QKI: variants seen among roughly 807,000 people sequenced by gnomAD.
The protein encoded by QKI is QKI, KH domain containing RNA binding.
A neutral mutation model predicts 39.0 loss-of-function variants in QKI; 10 were observed. That is an observed-to-expected ratio of 0.26 (90% CI 0.16 to 0.43). The LOEUF is 0.43. Among genes scored for constraint, QKI ranks in the 20% least tolerant of loss-of-function variants. QKI has a pLI of 1.00. For synonymous variants in QKI, 204 were observed against 155.4 expected (o/e 1.31, Z -2.33); for missense variants, 218 against 428.0 (o/e 0.51, Z 4.33).
chr6:163,513,211 C>T (rs1046458101), intron 3 of QKI, among the ~76,000 whole-genome samples: 11 of 152,170 alleles, frequency 7.2e-5, no homozygotes, highest in Middle Eastern at 3.4e-3. Context: ...TGGAACATAT[C>T]GCTTGTAGAT....
intron 2 of QKI, among the ~76,000 whole-genome samples, chr6:163,477,102 A>G (rs534625054): frequency 5.9e-4 from 84 of 143,584 alleles, no homozygotes; most frequent in Non-Finnish European, 8.1e-4. Flanking sequence ...GGCAACCTCC[A>G]CCTCCTGGGT....
At chr6:163,561,817 A>G (rs980681375) in intron 4 of QKI, among the ~76,000 whole-genome samples, 165 bp from the exon 5 acceptor site, 1 of 152,236 alleles carries the variant, frequency 6.6e-6, no homozygotes, top group Non-Finnish European at 1.5e-5. Context: ...CAGAGAAAGC[A>G]GGCTCCATTA....
intron 2 of QKI, among the ~76,000 whole-genome samples, chr6:163,462,304 G>C (rs1791414539): frequency 6.6e-6 from 1 of 152,100 alleles, no homozygotes; most frequent in African/African-American, 2.4e-5. Context: ...CAACAAGGTA[G>C]CTTACAAATA....
chr6:163,568,201 A>G (rs1268662606), intron 7 of QKI: 1 of 984,372 alleles, frequency 1.0e-6, no homozygotes, highest in Non-Finnish European at 1.2e-6. Context: ...GGTTTTATTC[A>G]TATTGCTAAT....
chr6:163,416,142 C>G (rs1787468184), intron 1 of QKI, among the ~76,000 whole-genome samples: 1 of 151,336 alleles, frequency 6.6e-6, no homozygotes, highest in African/African-American at 2.4e-5. Context: ...GGGTTTGCTC[C>G]CGGGGACGCA....
chr6:163,566,931 T>A, intron 7 of QKI, 136 bp downstream of exon 7: 3 of 1,447,362 alleles, frequency 2.1e-6, no homozygotes, highest in South Asian at 3.0e-5. Flanking sequence ...TTGTTTGTGA[T>A]CATTGACAGA....
intron 7 of QKI, chr6:163,567,476 A>C (rs1421697253): frequency 3.0e-6 from 3 of 984,782 alleles, no homozygotes; most frequent in Non-Finnish European, 3.6e-6. Flanking sequence ...ATCTGAAGGT[A>C]AACTGTCTCT....
At chr6:163,520,169 T>A (rs1780061828) in intron 3 of QKI, among the ~76,000 whole-genome samples, 1 of 152,180 alleles carries the variant, frequency 6.6e-6, no homozygotes, top group Non-Finnish European at 1.5e-5. Flanking sequence ...TTGAAATGAT[T>A]TTTAATGAAG....
At chr6:163,427,690 C>T (rs916095300) in intron 1 of QKI, among the ~76,000 whole-genome samples, 3 of 151,498 alleles carry the variant, frequency 2.0e-5, no homozygotes, top group Non-Finnish European at 4.4e-5. Context: ...TGTGTGCGCG[C>T]GTGTGTGTGT....
chr6:163,485,560 G>C (rs1046058824), intron 3 of QKI, among the ~76,000 whole-genome samples: 1 of 152,074 alleles, frequency 6.6e-6, no homozygotes, highest in African/African-American at 2.4e-5. Context: ...CAATTTGTCA[G>C]CTCTTCTGAG....
chr6:163,468,083 G>T (rs959305662), intron 2 of QKI, among the ~76,000 whole-genome samples: 3 of 152,068 alleles, frequency 2.0e-5, no homozygotes, highest in Non-Finnish European at 2.9e-5. Flanking sequence ...CACTAGTGTT[G>T]ACTAGATTGG....
chr6:163,549,334 C>G (rs976065786), intron 4 of QKI, among the ~76,000 whole-genome samples: 4 of 152,090 alleles, frequency 2.6e-5, no homozygotes, highest in African/African-American at 7.2e-5. Context: ...TTGTGAACAT[C>G]CCAGAGAAAG....
intron 4 of QKI, among the ~76,000 whole-genome samples, chr6:163,549,360 C>T (rs1185425147): frequency 1.3e-5 from 2 of 152,132 alleles, no homozygotes; most frequent in African/African-American, 4.8e-5. Flanking sequence ...TCCTGCACTC[C>T]AGTGCTGTGA....
intron 3 of QKI, among the ~76,000 whole-genome samples, chr6:163,518,534 A>G (rs1032431896): frequency 3.3e-5 from 5 of 152,192 alleles, no homozygotes; most frequent in Non-Finnish European, 5.9e-5. Context: ...CTTCTTGCAT[A>G]TAATTTTCAA....
At chr6:163,466,057 A>C (rs891641229) in intron 2 of QKI, among the ~76,000 whole-genome samples, 2 of 150,942 alleles carry the variant, frequency 1.3e-5, no homozygotes, top group African/African-American at 2.4e-5. Flanking sequence ...CCTGGGAGAG[A>C]CGGAGGCTGC....
At chr6:163,457,620 G>T in intron 2 of QKI, 1 of 320,456 alleles carries the variant, frequency 3.1e-6, no homozygotes, top group Non-Finnish European at 6.2e-6. Flanking sequence ...TGAAGTATGA[G>T]AATCACTCCT....
intron 2 of QKI, among the ~76,000 whole-genome samples, chr6:163,466,024 C>G (rs1349309880): frequency 6.6e-6 from 1 of 151,420 alleles, no homozygotes. Flanking sequence ...ACTTGGAAAG[C>G]TGAGGCAGGA....
intron 3 of QKI, among the ~76,000 whole-genome samples, chr6:163,500,002 ACT>A (rs1393416416): frequency 6.6e-6 from 1 of 152,048 alleles, no homozygotes. Context: ...CTAAACAGAG[ACT>A]CTGATGGGTG....
chr6:163,568,871 C>CT (rs1783534174), intron 7 of QKI: 1 of 985,726 alleles, frequency 1.0e-6, no homozygotes, highest in Non-Finnish European at 1.2e-6. Flanking sequence ...ACTGTATGGT[C>CT]TTGCATGGTG....
Sources: gnomAD v4.1 joint callset for allele counts (sites outside exome capture counted in the v4.1 genomes callset) on GRCh38, gnomAD v4.1.1 for gene constraint, MANE v1.5 for transcripts, NCBI Gene and HGNC (gene_info 2026-07-23, HGNC 2026-07-21) for gene names.